ZFHX3: variants seen among roughly 807,000 people sequenced by gnomAD.
ZFHX3 encodes the protein zinc finger homeobox protein 3.
In ZFHX3, 42 loss-of-function variants were observed where a neutral mutation model predicts 279.1. That is an observed-to-expected ratio of 0.15 (90% CI 0.12 to 0.19). The LOEUF (loss-of-function observed/expected upper bound fraction) is 0.19. Among genes scored for constraint, ZFHX3 ranks in the 10% least tolerant of loss-of-function variants. The probability of loss-of-function intolerance (pLI) is 1.00; values close to 1 mark genes in which losing one functional copy is unlikely to be tolerated. For synonymous variants in ZFHX3, 2,293 were observed against 1,957.8 expected, an observed-to-expected ratio of 1.17 and a Z score of -4.52; for missense variants, 4,981 against 4,754.0, an observed-to-expected ratio of 1.05 and a Z score of -1.40.
At chr16:73,052,543 G>A (rs907607920), upstream of ZFHX3, among the ~76,000 whole-genome samples, 3 of 152,022 alleles carry the variant, frequency 2.0e-5, no homozygotes, top group Non-Finnish European at 2.9e-5. Context: ...CAGAGCCCCC[G>A]AGCTGAAAAA....
intron 5 of ZFHX3, among the ~76,000 whole-genome samples, chr16:73,219,159 AT>A (rs2144918354): frequency 6.6e-6 from 1 of 152,334 alleles, no homozygotes; most frequent in Non-Finnish European, 1.5e-5. Context: ...ATTCCACTGT[AT>A]GGATAGATCA....
chr16:73,334,807 A>ATTTTTTTTTTTTT (rs1224756669), intron 3 of ZFHX3, among the ~76,000 whole-genome samples: 4 of 28,490 alleles, frequency 1.4e-4, no homozygotes, highest in Admixed American at 3.1e-4. Flanking sequence ...TTTCTTTCTC[A>ATTTTTTTTTTTTT]TTCTTTTTTT....
At chr16:73,392,419 A>T in intron 3 of ZFHX3, among the ~76,000 whole-genome samples, 1 of 45,184 alleles carries the variant, frequency 2.2e-5, no homozygotes, top group Non-Finnish European at 4.4e-5. Context: ...ACCCTGTCTC[A>T]AAAAAAAAAA....
In ZFHX3 at chr16:72,957,414, T is replaced by C. The variant is rs1460097244; in HGVS notation, c.2719+13A>G. On this transcript the variant is annotated intron_variant, in intron 2 of 9. Transcript: ENST00000268489. ...CCTATCATGAAAACAGACAAACACG[T>C]AGTCATCCTCACCTAGAGCAGGCGT... 1.3e-6 allele frequency: 2 copies of C among 1,591,266 alleles called. No individual in the cohort carries two copies. The highest frequency in any genetic ancestry group is 1.7e-6 in the Non-Finnish European group (2 of 1,167,776).
rs556319420 is a variant in ZFHX3, at chr16:73,321,554, G to T, written c.-1290-3218C>A. Among the ~76,000 whole-genome samples, 113 of 152,284 alleles carry T rather than the reference G, an allele frequency of 7.4e-4. 2 individuals are homozygous for T. Among genetic ancestry groups the T allele is most frequent in the Non-Finnish European group, 2.5e-4 (17 of 68,030 alleles). ...CAACTTTAGCAACAGACAAAAACGT[G>T]ACTTTCAGATGATAAGCTCCCGAAC... is the stretch of plus-strand genomic sequence containing the variant. On this transcript the variant is annotated intron_variant, in intron 3 of 17. Transcript: ENST00000641206.
chr16:73,816,717 G>A (rs1011149542), intron 1 of ZFHX3, among the ~76,000 whole-genome samples: 1 of 152,182 alleles, frequency 6.6e-6, no homozygotes, highest in Non-Finnish European at 1.5e-5. Flanking sequence ...AGAGAGAAAG[G>A]ATTGGGCAAT....
intron 2 of ZFHX3, among the ~76,000 whole-genome samples, chr16:73,607,275 C>G (rs1379560606): frequency 6.6e-6 from 1 of 152,204 alleles, no homozygotes; most frequent in East Asian, 1.9e-4. Flanking sequence ...GATCCACCCA[C>G]CTTGGCCTCC....
chr16:73,070,335 C>A (rs891222938), intron 8 of ZFHX3, among the ~76,000 whole-genome samples: 2 of 152,180 alleles, frequency 1.3e-5, no homozygotes, highest in African/African-American at 2.4e-5. Flanking sequence ...TGAGCCCCTT[C>A]CAAAGAAGAC....
chr16:73,375,689 T>A (rs1313430350), intron 3 of ZFHX3, among the ~76,000 whole-genome samples: 2 of 152,208 alleles, frequency 1.3e-5, no homozygotes, highest in Non-Finnish European at 1.5e-5. Context: ...TTCTCCATGC[T>A]AAAAAATCTC....
intron 1 of ZFHX3, among the ~76,000 whole-genome samples, chr16:73,703,837 A>T (rs558918997): frequency 6.6e-6 from 1 of 152,182 alleles, no homozygotes; most frequent in Admixed American, 6.5e-5. Flanking sequence ...TTTTTGAGGG[A>T]TCCGAGTCGT....
intron 3 of ZFHX3, among the ~76,000 whole-genome samples, chr16:73,351,805 T>A (rs1311566237): frequency 6.6e-6 from 1 of 152,166 alleles, no homozygotes; most frequent in Non-Finnish European, 1.5e-5. Flanking sequence ...TCCATGGGGG[T>A]GACCTCCCAG....
chr16:73,154,599 G>A (rs1196455752), intron 5 of ZFHX3, among the ~76,000 whole-genome samples: 1 of 152,136 alleles, frequency 6.6e-6, no homozygotes, highest in African/African-American at 2.4e-5. Flanking sequence ...GGGCATTTGT[G>A]GTGACTCTGC....
chr16:73,287,735 T>C (rs1388307912), intron 4 of ZFHX3, among the ~76,000 whole-genome samples: 1 of 147,414 alleles, frequency 6.8e-6, no homozygotes, highest in African/African-American at 2.5e-5. Flanking sequence ...TGGGTCGGTG[T>C]GTGGCTGTGT....
chr16:73,058,868 AGCGGCG>A (rs934867928), exon 1 of ZFHX3: 6 of 129,006 alleles, frequency 4.7e-5, no homozygotes, highest in Non-Finnish European at 9.3e-5. Context: ...ACGGAAGAGA[AGCGGCG>A]GCGGCGGCGG....
Position 72,950,684 on chromosome 16 carries a change from G to A in ZFHX3, c.3001C>T (p.Leu1001=). Residue 1001 remains leucine, a synonymous_variant, in exon 3 of 10, where the codon CTG becomes TTG. Transcript: ENST00000268489. The part of the protein sequence containing the change: ...YNTQLKANFQ[L]HCKTDKHVQK... ...ACGTGCTTGTCTGTCTTGCAGTGCA[G>A]CTGGAAGTTGGCCTTGAGCTGGGTG... 1 of 1,614,240 alleles carries A rather than the reference G, an allele frequency of 6.2e-7. No individual in the cohort carries two copies. The highest frequency in any genetic ancestry group is 1.1e-5 in the South Asian group (1 of 91,088).
intron 3 of ZFHX3, among the ~76,000 whole-genome samples, chr16:73,370,462 T>C (rs902689235): frequency 5.3e-5 from 8 of 152,330 alleles, no homozygotes; most frequent in Middle Eastern, 3.4e-3. Context: ...AGCTGGCACA[T>C]ACATGTGCCA....
At chr16:73,175,346 C>T (rs1207076247) in intron 5 of ZFHX3, among the ~76,000 whole-genome samples, 3 of 152,138 alleles carry the variant, frequency 2.0e-5, no homozygotes, top group African/African-American at 7.2e-5. Context: ...CACCACTGCA[C>T]TCTAGCCTAG....
chr16:72,990,050 C>T (rs1191835276), intron 1 of ZFHX3, among the ~76,000 whole-genome samples: 3 of 152,166 alleles, frequency 2.0e-5, no homozygotes, highest in Admixed American at 6.5e-5. Flanking sequence ...TAAAATACCA[C>T]AAGGTTTGGG....
intron 2 of ZFHX3, among the ~76,000 whole-genome samples, chr16:72,954,008 C>T (rs112816468): frequency 7.9e-5 from 12 of 152,326 alleles, no homozygotes; most frequent in African/African-American, 1.9e-4. Flanking sequence ...CCTACAAATC[C>T]GCTAATCCAG....
Sources: allele counts gnomAD v4.1 joint callset (sites outside exome capture counted in the v4.1 genomes callset), GRCh38; gene constraint gnomAD v4.1.1; transcripts MANE v1.5; gene names NCBI Gene and HGNC (gene_info 2026-07-23, HGNC 2026-07-21).